ZKSCAN4: variants seen among roughly 807,000 people sequenced by gnomAD.
ZKSCAN4 encodes the protein zinc finger protein with KRAB and SCAN domains 4.
In ZKSCAN4, 23 loss-of-function variants were observed where a neutral mutation model predicts 30.8. The ratio of observed to expected loss-of-function variants is 0.75; its 90% confidence interval spans 0.54 to 1.06. The LOEUF is 1.06. Among genes scored for constraint, ZKSCAN4 ranks in the 50% least tolerant of loss-of-function variants. The pLI is 0.00. For missense variants in ZKSCAN4, 556 were observed against 665.4 expected (o/e 0.84, Z 1.81); for synonymous variants, 208 against 252.5 (o/e 0.82, Z 1.67).
At chr6:28,246,167 A>C in intron 4 of ZKSCAN4, 192 bp from the exon 5 acceptor site, 2 of 708,794 alleles carry the variant, frequency 2.8e-6, no homozygotes, top group East Asian at 2.8e-5. Flanking sequence ...GAGAATGAGA[A>C]TGGGGCCATT....
At chr6:28,247,486 T>A (rs1220831568) in intron 3 of ZKSCAN4, among the ~76,000 whole-genome samples, 1 of 143,898 alleles carries the variant, frequency 6.9e-6, no homozygotes, top group Non-Finnish European at 1.5e-5. Context: ...GTGAGAAAAA[T>A]TAGGGGAAAA....
In ZKSCAN4 at chr6:28,251,113, T is replaced by C. The variant is rs891260079; in HGVS notation, c.423+445A>G. ...AGAGAGTTAACATTTCCTTCAATTA[T>C]GAATGGAAGCAACAAATCAAGGTAG... On this transcript the variant is annotated intron_variant, in intron 1 of 4. Coordinates refer to ENST00000377294, the MANE Select transcript of ZKSCAN4 (RefSeq NM_019110.5). This position sits in a 1 kb window ranked among gnomAD's most constrained non-coding sequence, Gnocchi z 4.5. 2.6e-5 allele frequency among the ~76,000 whole-genome samples: 4 copies of C among 152,214 alleles called. No homozygotes were observed. The East Asian group carries it at 7.7e-4, about 29-fold the overall frequency.
rs1760553966 is a variant in ZKSCAN4, at chr6:28,243,032, A to G, written c.*2084T>C. On this transcript the variant is annotated 3_prime_UTR_variant, in exon 5 of 5. Coordinates refer to ENST00000377294, the MANE Select transcript of ZKSCAN4 (RefSeq NM_019110.5). Reference sequence around the variant, plus strand: ...CAGAAAAGTTAACAGAGTTGTCTGTAATGAGTTTGAGTGTGTAAAATCAGA... The same window carrying G: ...CAGAAAAGTTAACAGAGTTGTCTGTGATGAGTTTGAGTGTGTAAAATCAGA... 6.6e-6 allele frequency among the ~76,000 whole-genome samples: 1 copy of G among 152,222 alleles called. No individual in the cohort carries two copies.
In ZKSCAN4 at chr6:28,251,803, G is replaced by A. The variant is rs1427710474; in HGVS notation, c.178C>T (p.Arg60Cys). 2.5e-6 allele frequency: 4 copies of A among 1,613,070 alleles called. No homozygotes were observed. Among genetic ancestry groups the A allele is most frequent in the African/African-American group, 1.3e-5 (1 of 75,012 alleles). Residue 60 changes from arginine to cysteine, a missense_variant, in exon 1 of 5, where the codon CGC (arginine) becomes TGC (cysteine). Around this residue, in one of 3 missense-constraint regions of ZKSCAN4, gnomAD observed 115 missense variants for 125.9 expected, o/e 0.91. Transcript: ENST00000377294. The surrounding 1 kb of genome is among the most constrained non-coding windows in gnomAD (Gnocchi z 4.5). ...CGGGGGCCCGCAGCCTCCGGGTAGC[G>A]GAAGCCTCGGAAGCGCTGGCGGGAG... ...ERSRQRFRGF[R>C]YPEAAGPREA...
At chr6:28,250,463 G>A (rs78465429) in intron 1 of ZKSCAN4, among the ~76,000 whole-genome samples, 3,642 of 152,270 alleles carry the variant, frequency 0.024, 82 homozygotes, top group African/African-American at 0.066. Context: ...TCCAGATCCC[G>A]TGTTCTTACC....
chr6:28,250,723 T>C (rs1175032613), intron 1 of ZKSCAN4, among the ~76,000 whole-genome samples: 1 of 152,166 alleles, frequency 6.6e-6, no homozygotes, highest in East Asian at 1.9e-4. Flanking sequence ...AAATTACAGT[T>C]TTCAAGTTAC....
upstream of ZKSCAN4, among the ~76,000 whole-genome samples, chr6:28,256,055 C>T (rs553525159): frequency 3.9e-5 from 6 of 152,138 alleles, no homozygotes; most frequent in South Asian, 2.1e-4. Context: ...GAAACCAAAT[C>T]GTAACAACTA....
upstream of ZKSCAN4, among the ~76,000 whole-genome samples, chr6:28,252,785 A>G (rs1433225290): frequency 6.6e-6 from 1 of 151,004 alleles, no homozygotes. Context: ...TCCTCAACAC[A>G]CTGTCCCACT....
In ZKSCAN4 at chr6:28,251,492, G is replaced by A. The variant is rs1736904; in HGVS notation, c.423+66C>T. 0.23 allele frequency: 368,405 copies of A among 1,612,442 alleles called. 49,419 individuals carry two copies. Among genetic ancestry groups the A allele is most frequent in the African/African-American group, 0.56 (41,733 of 74,874 alleles). On this transcript the variant is annotated intron_variant, in intron 1 of 4. Transcript: ENST00000377294. This position sits in a 1 kb window ranked among gnomAD's most constrained non-coding sequence, Gnocchi z 4.5. ...CCTGGACCTTAAAGGAATGCCCCTC[G>A]CTCCGATCTGGGATTTCAGGAGGAA...
At position 28,249,831 on chromosome 6, in the gene ZKSCAN4, G is replaced by T; in HGVS notation, c.427C>A (p.Pro143Thr). ...RQLDEPAPQV[P>T]VGDQGQELLC... Reference sequence around the variant, plus strand: ...AGTTCTTGCCCCTGGTCACCAACGGGAACCTAGAAGTCACGATTTTTAGTT... The same window carrying T: ...AGTTCTTGCCCCTGGTCACCAACGGTAACCTAGAAGTCACGATTTTTAGTT... The change falls in exon 2 of 5, where the codon CCC (proline) becomes ACC (threonine). Residue 143 changes from proline to threonine, a missense_variant. By Grantham distance (38) the Pro-to-Thr change is conservative (BLOSUM62 -1). Transcript: ENST00000377294. The surrounding 1 kb of genome is among the most constrained non-coding windows in gnomAD (Gnocchi z 4.1). 1 of 1,612,044 alleles carries T rather than the reference G, an allele frequency of 6.2e-7. No homozygotes were observed. Among genetic ancestry groups the T allele is most frequent in the Non-Finnish European group, 8.5e-7 (1 of 1,179,532 alleles).
In ZKSCAN4 at chr6:28,245,293, A is replaced by G; in HGVS notation, c.1461T>C (p.Tyr487=). 3 of 1,613,996 alleles carry G rather than the reference A, an allele frequency of 1.9e-6. No individual in the cohort carries two copies. Among genetic ancestry groups the G allele is most frequent in the East Asian group, 2.2e-5 (1 of 44,876 alleles). The stretch of plus-strand genomic sequence containing the variant: ...AACTTCTCTCACACTCATTACATTT[A>G]TAAGACACGGGAGCCTCAGTATTTT... ...QWENTEAPVS[Y]KCNECERSFT... The change falls in exon 5 of 5, where the codon TAT becomes TAC. Residue 487 remains tyrosine (Y), a synonymous_variant. Coordinates refer to ENST00000377294, the MANE Select transcript of ZKSCAN4 (RefSeq NM_019110.5).
In ZKSCAN4 at chr6:28,245,606, T is replaced by C. The variant is rs200392809; in HGVS notation, c.1148A>G (p.Lys383Arg). ...AAGGTTTGAGCTGTGACTGAAGACCTTACCACATTCTTCACACTCATATGG... is the reference window on the plus strand; with the variant it reads ...AAGGTTTGAGCTGTGACTGAAGACCCTACCACATTCTTCACACTCATATGG... The part of the protein sequence containing the change: ...EKPYECEECG[K>R]VFSHSSNLIK... Residue 383 changes from lysine to arginine, a missense_variant, in exon 5 of 5, where the codon AAG (lysine) becomes AGG (arginine). Physicochemically the swap from Lys to Arg is conservative, Grantham distance 26. Transcript: ENST00000377294. 5 of 1,614,202 alleles carry C rather than the reference T, an allele frequency of 3.1e-6. No individual in the cohort carries two copies. Among genetic ancestry groups the C allele is most frequent in the African/African-American group, 2.7e-5 (2 of 75,050 alleles).
At chr6:28,255,215 T>A (rs181517439), upstream of ZKSCAN4, among the ~76,000 whole-genome samples, 197 of 152,348 alleles carry the variant, frequency 1.3e-3, 6 homozygotes, top group South Asian at 0.035. Flanking sequence ...AATTGCACTT[T>A]TTGGCTATTG....
rs1760765414 is a variant in ZKSCAN4, at chr6:28,246,997, C to A, written c.750G>T (p.Gln250His). The A allele has an allele frequency of 6.2e-7, 1 of 1,612,548 alleles. No homozygotes were observed. Among genetic ancestry groups the A allele is most frequent in the African/African-American group, 1.3e-5 (1 of 75,032 alleles). Residue 250 changes from glutamine (Q) to histidine (H), a missense_variant, in exon 4 of 5, where the codon CAG becomes CAT. By Grantham distance (24) the Gln-to-His change is conservative. Transcript: ENST00000377294. ...GGGAGACCAGGCTGCTATGGTTCTCCTGCTTTTCATCTCTGTAGAGGTTCA... is the reference window on the plus strand; with the variant it reads ...GGGAGACCAGGCTGCTATGGTTCTCATGCTTTTCATCTCTGTAGAGGTTCA... ...SQVNLYRDEKQENHSSLVSLG... is the reference protein window; with the variant it reads ...SQVNLYRDEKHENHSSLVSLG...
rs909158638 is a variant in ZKSCAN4, at chr6:28,246,161, A to G, written c.779-186T>C. The G allele has an allele frequency of 8.1e-6, 6 of 741,218 alleles. No homozygotes were observed. In the African/African-American group the frequency reaches 8.8e-5, roughly 11 times the overall value. The allele number at this position is 741,218 out of a possible 1,614,324, so 45.9% of individuals were successfully genotyped here. A position where few individuals can be genotyped will look rare whatever the true frequency, so the allele number is the denominator to read the frequency against. On this transcript the variant is annotated intron_variant, in intron 4 of 4. Coordinates refer to ENST00000377294, the MANE Select transcript of ZKSCAN4 (RefSeq NM_019110.5). The stretch of plus-strand genomic sequence containing the variant: ...TGCTGGGGAGGAAGGAGGCCTGAGA[A>G]TGAGAATGGGGCCATTGGAAGGGTA...
rs780768987 is a variant in ZKSCAN4 at position 28,249,817 on chromosome 6, CT to C, written c.440del (p.Gln147ArgfsTer13). 1.5e-5 allele frequency: 25 copies of C among 1,613,880 alleles called. No individual in the cohort carries two copies. In the South Asian group the frequency reaches 2.5e-4, roughly 16 times the overall value. On this transcript the variant is annotated frameshift_variant, in exon 2 of 5. Transcript: ENST00000377294. LOFTEE classifies it high-confidence loss of function. This position sits in a 1 kb window ranked among gnomAD's most constrained non-coding sequence, Gnocchi z 4.1. ...EPAPQVPVGD[Q>X]GQELLCCKMA... ...TCTTGCAACAGAGCAGTTCTTGCCC[CT>C]GGTCACCAACGGGAACCTAGAAGTC...
rs1760978981 is a variant in ZKSCAN4, at chr6:28,251,253, T to C, written c.423+305A>G. Among the ~76,000 whole-genome samples the C allele has an allele frequency of 6.6e-6, 1 of 152,196 alleles. No individual in the cohort carries two copies. Among genetic ancestry groups the C allele is most frequent in the South Asian group, 2.1e-4 (1 of 4,832 alleles). ...TTGAAATTGCCAATTATAAGCCCTG[T>C]CCCTAGGTCTTATTATTTAGTGCAG... On this transcript the variant is annotated intron_variant, in intron 1 of 4. Transcript: ENST00000377294. The surrounding 1 kb of genome is among the most constrained non-coding windows in gnomAD (Gnocchi z 4.5).
Position 28,247,047 on chromosome 6 carries a change from A to C in ZKSCAN4, c.700T>G (p.Trp234Gly). The change falls in exon 4 of 5, where the codon TGG becomes GGG. Residue 234 changes from tryptophan (W) to glycine (G), a missense_variant. By Grantham distance (184) the Trp-to-Gly change is radical. Transcript: ENST00000377294. ...ACCTGAGATGAATCCAGCTGTGTCC[A>C]CCCAGGAGTGAGGGTCAGGGCCACA... ...EDVALTLTPG[W>G]TQLDSSQVNL... 1 of 1,612,906 alleles carries C rather than the reference A, an allele frequency of 6.2e-7. No homozygotes were observed. Among genetic ancestry groups the C allele is most frequent in the East Asian group, 2.2e-5 (1 of 44,834 alleles).
rs1736895 is a variant in ZKSCAN4 at position 28,252,048 on chromosome 6, G to A, written c.-68C>T. 0.45 allele frequency: 662,905 copies of A among 1,479,028 alleles called. 158,292 individuals are homozygous for A. Among genetic ancestry groups the A allele is most frequent in the African/African-American group, 0.89 (63,193 of 71,200 alleles). 91.6% of individuals were successfully genotyped at this position (1,479,028 alleles called of 1,614,324 possible). On this transcript the variant is annotated 5_prime_UTR_variant, in exon 1 of 5. Transcript: ENST00000377294. ...TGTATATCTTCAGAGGATTCTGGAA[G>A]GGTGGTAAATTTTCCAGTAGAACTG...
Sources: gnomAD v4.1 joint callset for allele counts (sites outside exome capture counted in the v4.1 genomes callset) on GRCh38, gnomAD v4.1.1 for gene constraint, gnomAD v4.1.1 regional missense constraint, Gnocchi (gnomAD v3.1) non-coding constraint, MANE v1.5 for transcripts, NCBI Gene and HGNC (gene_info 2026-07-23, HGNC 2026-07-21) for gene names.